Variants in GNA14 observed in about 807,000 individuals in gnomAD.
The protein encoded by GNA14 is G protein subunit alpha 14.
In GNA14, 50 loss-of-function variants were observed where a neutral mutation model predicts 42.0. The ratio of observed to expected loss-of-function variants is 1.19; its 90% CI spans 0.95 to 1.51. The LOEUF (loss-of-function observed/expected upper bound fraction) is 1.51. Ranked by LOEUF, GNA14 falls within the 40% of genes most tolerant of loss-of-function variation. The probability of loss-of-function intolerance (pLI) is 0.00; values close to 1 mark genes in which losing one functional copy is unlikely to be tolerated. For synonymous variants in GNA14, 173 were observed against 163.1 expected (o/e 1.06, Z -0.46); for missense variants, 473 against 446.2 (o/e 1.06, Z -0.54).
chr9:77,426,712 G>A (rs1344835168), intron 5 of GNA14, among the ~76,000 whole-genome samples: 4 of 152,320 alleles, frequency 2.6e-5, no homozygotes, highest in Admixed American at 2.6e-4. Flanking sequence ...TTGGCAAGAA[G>A]ATATTAAATG....
intron 1 of GNA14, among the ~76,000 whole-genome samples, chr9:77,618,616 A>T (rs1322425230): frequency 0.12 from 1,202 of 10,158 alleles, 79 homozygotes; most frequent in Non-Finnish European, 0.15. Flanking sequence ...ATATATATAT[A>T]TATATTTTTT....
intron 1 of GNA14, among the ~76,000 whole-genome samples, chr9:77,608,609 G>C (rs541208386): frequency 6.6e-6 from 1 of 152,194 alleles, no homozygotes; most frequent in East Asian, 1.9e-4. Context: ...GGTAAGAGTG[G>C]CAGCTCTGAT....
At chr9:77,603,956 CAAAAAAAAAAAAAAA>C (rs67044542) in intron 1 of GNA14, among the ~76,000 whole-genome samples, 2 of 81,608 alleles carry the variant, frequency 2.5e-5, no homozygotes, top group South Asian at 5.2e-4. Flanking sequence ...AAAAAAAAAA[CAAAAAAAAAAAAAAA>C]AAAAAAAAAA....
intron 1 of GNA14, among the ~76,000 whole-genome samples, chr9:77,560,436 A>C (rs745571495): frequency 3.3e-5 from 5 of 151,948 alleles, no homozygotes; most frequent in Non-Finnish European, 7.4e-5. Flanking sequence ...CCACAGGTGC[A>C]CGACACAGGT....
intron 2 of GNA14, among the ~76,000 whole-genome samples, chr9:77,454,654 G>C (rs1835969561): frequency 6.8e-6 from 1 of 146,264 alleles, no homozygotes; most frequent in African/African-American, 2.5e-5. Context: ...TGTTTCTTTA[G>C]CCTGCTCCTT....
At chr9:77,453,569 T>A (rs887534740) in intron 2 of GNA14, among the ~76,000 whole-genome samples, 3 of 152,144 alleles carry the variant, frequency 2.0e-5, no homozygotes, top group African/African-American at 7.2e-5. Context: ...TTCATGAAAA[T>A]GTGTAACTAT....
At chr9:77,558,557 T>C (rs952179909) in intron 1 of GNA14, among the ~76,000 whole-genome samples, 1 of 152,156 alleles carries the variant, frequency 6.6e-6, no homozygotes, top group South Asian at 2.1e-4. Context: ...GAGGGAGATT[T>C]ACGGGGCTCC....
In GNA14 at chr9:77,493,018, A is replaced by ATATAT. The variant is rs1322242402; in HGVS notation, c.309+36050_309+36051insATATA. Among the ~76,000 whole-genome samples the ATATAT allele has an allele frequency of 4.1e-3, 368 of 88,718 alleles. 1 individual carries two copies. Among genetic ancestry groups the ATATAT allele is most frequent in the Non-Finnish European group, 6.2e-3 (272 of 43,894 alleles). 58.2% of individuals were successfully genotyped at this position (88,718 alleles called of 152,430 possible). On this transcript the variant is annotated intron_variant, in intron 2 of 6. Coordinates refer to ENST00000341700, the MANE Select transcript of GNA14 (RefSeq NM_004297.4). ...TCCGTCTCAGGAAAAAAAAAAAAAAAAAAAAAAAATATATATATATATATA... is the reference window on the plus strand; with the variant it reads ...TCCGTCTCAGGAAAAAAAAAAAAAAATATATAAAAAAAAATATATATATATATATA...
intron 1 of GNA14, among the ~76,000 whole-genome samples, chr9:77,530,883 G>A (rs1217378164): frequency 6.6e-6 from 1 of 152,228 alleles, no homozygotes; most frequent in Non-Finnish European, 1.5e-5. Context: ...TCAGAGACCA[G>A]AAAACTGGTA....
At chr9:77,492,716 T>C (rs1474230788) in intron 2 of GNA14, among the ~76,000 whole-genome samples, 1 of 151,942 alleles carries the variant, frequency 6.6e-6, no homozygotes, top group African/African-American at 2.4e-5. Flanking sequence ...CCAAAAATAC[T>C]TGGGGCCAGG....
At chr9:77,458,237 C>CT (rs1469137200) in intron 2 of GNA14, among the ~76,000 whole-genome samples, 2 of 152,204 alleles carry the variant, frequency 1.3e-5, no homozygotes, top group African/African-American at 2.4e-5. Context: ...GCTTCTTCCT[C>CT]TATCAGCCAT....
intron 1 of GNA14, among the ~76,000 whole-genome samples, chr9:77,645,912 C>T (rs1290328456): frequency 6.6e-6 from 1 of 152,140 alleles, no homozygotes; most frequent in Non-Finnish European, 1.5e-5. Context: ...CAACTAAACC[C>T]CTCTGGTTTG....
At chr9:77,558,922 C>CAAACAAAAAAAA (rs1564053455) in intron 1 of GNA14, among the ~76,000 whole-genome samples, 2 of 121,128 alleles carry the variant, frequency 1.7e-5, no homozygotes, top group Non-Finnish European at 1.7e-5. Context: ...TGTTAAAAAA[C>CAAACAAAAAAAA]AAAAAACAAA....
intron 1 of GNA14, among the ~76,000 whole-genome samples, chr9:77,640,178 G>C (rs1187088501): frequency 6.6e-6 from 1 of 152,192 alleles, no homozygotes; most frequent in Non-Finnish European, 1.5e-5. Flanking sequence ...GCTGTGCCTT[G>C]AGTCCCCTAA....
chr9:77,545,529 C>T (rs530783897), intron 1 of GNA14, among the ~76,000 whole-genome samples: 1 of 152,086 alleles, frequency 6.6e-6, no homozygotes, highest in Non-Finnish European at 1.5e-5. Context: ...TTTATGAATG[C>T]GTGGTCAAAG....
intron 6 of GNA14, 80 bp downstream of exon 6, chr9:77,425,482 A>G (rs1167419952): frequency 1.2e-5 from 12 of 1,042,306 alleles, no homozygotes; most frequent in Non-Finnish European, 1.7e-5. Flanking sequence ...GGCCCCTTTG[A>G]GCCGTGATAA....
chr9:77,579,130 C>CT, intron 1 of GNA14, among the ~76,000 whole-genome samples: 2 of 152,306 alleles, frequency 1.3e-5, no homozygotes, highest in South Asian at 4.1e-4. Context: ...CAGTCCCACC[C>CT]TATGTCACAC....
intron 1 of GNA14, among the ~76,000 whole-genome samples, chr9:77,641,658 G>A (rs530160145): frequency 2.1e-4 from 32 of 152,256 alleles, no homozygotes; most frequent in Admixed American, 1.3e-4. Context: ...CCAGATTAAA[G>A]AAACTAAAAG....
At chr9:77,622,772 T>C (rs1823949204) in intron 1 of GNA14, among the ~76,000 whole-genome samples, 1 of 147,766 alleles carries the variant, frequency 6.8e-6, no homozygotes, top group Admixed American at 6.8e-5. Context: ...CGGGTGCCTG[T>C]AGTCCCAAAT....
Sources: gnomAD v4.1 joint callset for allele counts (sites outside exome capture counted in the v4.1 genomes callset) on GRCh38, gnomAD v4.1.1 for gene constraint, MANE v1.5 for transcripts, NCBI Gene and HGNC (gene_info 2026-07-23, HGNC 2026-07-21) for gene names.